Variants in STAMBP observed in about 807,000 individuals in gnomAD.
The protein encoded by STAMBP is STAM-binding protein.
STAMBP carries 31 observed loss-of-function variants against 50.7 expected under a neutral mutation model. The observed-to-expected ratio is 0.61, with a 90% confidence interval of 0.46 to 0.83. STAMBP has a LOEUF of 0.83. Ranked by LOEUF, STAMBP falls within the 40% of genes least tolerant of loss-of-function variation. The pLI, the probability that STAMBP is intolerant of heterozygous loss-of-function variation, is 0.00. For synonymous variants in STAMBP, 211 were observed against 192.4 expected, an observed-to-expected ratio of 1.10 and a Z score of -0.80; for missense variants, 472 against 518.9, an observed-to-expected ratio of 0.91 and a Z score of 0.88.
intron 7 of STAMBP, among the ~76,000 whole-genome samples, chr2:73,852,503 G>C (rs1676953334): frequency 6.6e-6 from 1 of 152,182 alleles, no homozygotes; most frequent in South Asian, 2.1e-4. Context: ...ATTTAGTGCT[G>C]ATCTTGGAAG....
In STAMBP at chr2:73,859,385, G is replaced by A. The variant is rs370910303; in HGVS notation, c.1118+19G>A. ...TCCAGGAGTGAGTATAGAGGGCATG[G>A]TTCTGGGTGTTTCAAGGGGGTAGTA... is the stretch of plus-strand genomic sequence containing the variant. On this transcript the variant is annotated intron_variant, in intron 8 of 9. Coordinates refer to ENST00000394070, the MANE Select transcript of STAMBP (RefSeq NM_213622.4). The A allele has an allele frequency of 1.6e-4, 262 of 1,596,798 alleles. No homozygotes were observed. Among genetic ancestry groups the A allele is most frequent in the Non-Finnish European group, 2.2e-4 (252 of 1,164,376 alleles).
rs55727735 is a variant in STAMBP, at chr2:73,852,845, TTGTGTG to T, written c.1005+2364_1005+2369del. 3.5e-3 allele frequency among the ~76,000 whole-genome samples: 452 copies of T among 127,634 alleles called. 1 individual carries two copies. The highest frequency in any genetic ancestry group is 8.9e-3 in the South Asian group (33 of 3,716). The allele number at this position is 127,634 out of a possible 152,430, so 83.7% of individuals were successfully genotyped here. On this transcript the variant is annotated intron_variant, in intron 7 of 9. Transcript: ENST00000394070. ...GGTACCCGCCACTATGCCTGGCTAA[TTGTGTG>T]TGTGTGTGTGTGTGTGTGTGTGTGT...
Position 73,862,380 on chromosome 2 carries a change from C to G in STAMBP, c.*121C>G. ...TAGATAGTAGAAAGGGGGGCATCAC[C>G]TGAGAAAGAGCTGATTTTGTATTTC... On this transcript the variant is annotated 3_prime_UTR_variant, in exon 10 of 10. Transcript: ENST00000394070. The G allele has an allele frequency of 1.5e-6, 1 of 653,558 alleles. No homozygotes were observed. Among genetic ancestry groups the G allele is most frequent in the South Asian group, 4.5e-5 (1 of 22,214 alleles). 40.5% of individuals were successfully genotyped at this position (653,558 alleles called of 1,614,324 possible).
Position 73,850,454 on chromosome 2 carries a change from G to A in STAMBP, c.946G>A (p.Glu316Lys), listed in dbSNP as rs1340000256. Residue 316 changes from glutamate (E) to lysine (K), a missense_variant, in exon 7 of 10, where the codon GAA becomes AAA. Physicochemically the swap from Glu to Lys is moderately conservative, Grantham distance 56 (BLOSUM62 1). Transcript: ENST00000394070. The surrounding 1 kb of genome is among the most constrained non-coding windows in gnomAD (Gnocchi z 4.3). ...AGSDYCNTEN[E>K]EELFLIQDQQ... ...GTCTGATTACTGCAACACAGAGAAC[G>A]AAGAAGAACTTTTCCTCATACAGGA... 15 of 1,613,864 alleles carry A rather than the reference G, an allele frequency of 9.3e-6. No individual in the cohort carries two copies. Among genetic ancestry groups the A allele is most frequent in the Non-Finnish European group, 1.2e-5 (14 of 1,179,916 alleles).
Position 73,849,491 on chromosome 2 carries a change from A to C in STAMBP, c.867+4A>C. ...TGGAATTCTCTGTGGAAAACTGGTA[A>C]AAAGAAAAAAAAAACCAAACTCTTC... On this transcript the variant is annotated splice_donor_region_variant and intron_variant, in intron 6 of 9. Transcript: ENST00000394070. The C allele has an allele frequency of 6.3e-7, 1 of 1,580,858 alleles. No individual in the cohort carries two copies. Among genetic ancestry groups the C allele is most frequent in the Non-Finnish European group, 8.6e-7 (1 of 1,168,722 alleles).
intron 2 of STAMBP, among the ~76,000 whole-genome samples, chr2:73,840,097 G>T (rs1675186777): frequency 1.3e-5 from 2 of 151,790 alleles, no homozygotes; most frequent in Non-Finnish European, 1.5e-5. Flanking sequence ...TCTGTTTATT[G>T]TCTGTTCCCC....
chr2:73,831,139 A>C (rs961736383), intron 2 of STAMBP, 80 bp downstream of exon 2: 1 of 1,137,640 alleles, frequency 8.8e-7, no homozygotes, highest in Non-Finnish European at 1.3e-6. Context: ...AAAACCACAG[A>C]ACTTCACAAT....
chr2:73,846,213 G>A (rs189112186), intron 4 of STAMBP, among the ~76,000 whole-genome samples: 31 of 151,544 alleles, frequency 2.0e-4, no homozygotes, highest in African/African-American at 7.5e-4. Context: ...TAATCCAAAT[G>A]CCTCTCAAGT....
At chr2:73,855,688 T>A (rs1386423465) in intron 7 of STAMBP, 1 of 456,118 alleles carries the variant, frequency 2.2e-6, no homozygotes, top group South Asian at 1.5e-5. Flanking sequence ...ATTTGCTGCC[T>A]GCACTGAGCT....
intron 7 of STAMBP, among the ~76,000 whole-genome samples, chr2:73,853,617 G>A (rs1022691063): frequency 3.3e-5 from 5 of 152,222 alleles, no homozygotes; most frequent in African/African-American, 1.2e-4. Flanking sequence ...AGCTACTCGA[G>A]AGGCTGAGGC....
rs1253246439 is a variant in STAMBP at position 73,845,977 on chromosome 2, A to G, written c.375+715A>G. On this transcript the variant is annotated intron_variant, in intron 4 of 9. Coordinates refer to ENST00000394070, the MANE Select transcript of STAMBP (RefSeq NM_213622.4). Reference sequence around the variant, plus strand: ...GATTCTTTTTAGGAAGTCAGTTAAAACATGTGGAGAAACTGCCAGGGCGCT... The same window carrying G: ...GATTCTTTTTAGGAAGTCAGTTAAAGCATGTGGAGAAACTGCCAGGGCGCT... 3.2e-4 allele frequency among the ~76,000 whole-genome samples: 49 copies of G among 152,184 alleles called. 1 individual carries two copies. Among genetic ancestry groups the G allele is most frequent in the Admixed American group, 3.1e-3 (48 of 15,290 alleles).
At chr2:73,843,406 G>GTGTATATATA (rs1458780751) in intron 2 of STAMBP, among the ~76,000 whole-genome samples, 9 of 129,942 alleles carry the variant, frequency 6.9e-5, no homozygotes, top group Non-Finnish European at 7.8e-5. Flanking sequence ...GTTTGTGTAT[G>GTGTATATATA]TATATATATA....
chr2:73,855,983 C>T (rs1482889371), intron 7 of STAMBP, among the ~76,000 whole-genome samples: 1 of 152,154 alleles, frequency 6.6e-6, no homozygotes, highest in African/African-American at 2.4e-5. Context: ...CTTTTTGAAT[C>T]ATGCTAGATC....
At chr2:73,851,270 T>C (rs778537465) in intron 7 of STAMBP, among the ~76,000 whole-genome samples, 5 of 152,224 alleles carry the variant, frequency 3.3e-5, no homozygotes, top group African/African-American at 1.2e-4. Flanking sequence ...TTGCCTATTA[T>C]TGTGTATCCC....
Position 73,833,902 on chromosome 2 carries a change from C to T in STAMBP, c.203+2843C>T, listed in dbSNP as rs115031263. 5.1e-3 allele frequency among the ~76,000 whole-genome samples: 775 copies of T among 152,002 alleles called. 9 individuals are homozygous for T. Among genetic ancestry groups the T allele is most frequent in the African/African-American group, 0.018 (742 of 41,440 alleles). On this transcript the variant is annotated intron_variant, in intron 2 of 9. Coordinates refer to ENST00000394070, the MANE Select transcript of STAMBP (RefSeq NM_213622.4). ...GAACAACACAGAGGTTAGCACCAAT[C>T]CCCCATGCAATCAAAAATATACATA...
intron 2 of STAMBP, among the ~76,000 whole-genome samples, chr2:73,832,093 A>ATG: frequency 7.7e-6 from 1 of 130,686 alleles, no homozygotes; most frequent in Admixed American, 7.5e-5. Context: ...ACATATATAT[A>ATG]TATATATATA....
At chr2:73,849,564 GAGA>G in intron 6 of STAMBP, 77 bp downstream of exon 6, 1 of 1,509,080 alleles carries the variant, frequency 6.6e-7, no homozygotes, top group Non-Finnish European at 8.8e-7. Flanking sequence ...GTGACTCTCA[GAGA>G]AAATATCCAG....
chr2:73,860,709 C>A, intron 9 of STAMBP: 1 of 216,396 alleles, frequency 4.6e-6, no homozygotes, highest in Non-Finnish European at 7.9e-6. Flanking sequence ...ATGATAAGAT[C>A]AGTATGTTTC....
chr2:73,868,470 G>T (rs1395533721), downstream of STAMBP, among the ~76,000 whole-genome samples: 1 of 151,882 alleles, frequency 6.6e-6, no homozygotes, highest in African/African-American at 2.4e-5. Context: ...GAAATCCACT[G>T]ATATAATATA....
Sources: gnomAD v4.1 joint callset for allele counts (sites outside exome capture counted in the v4.1 genomes callset) on GRCh38, gnomAD v4.1.1 for gene constraint, Gnocchi (gnomAD v3.1) non-coding constraint, MANE v1.5 for transcripts, NCBI Gene and HGNC (gene_info 2026-07-23, HGNC 2026-07-21) for gene names.